Variants in CD200R1 observed in about 807,000 individuals in gnomAD.
CD200R1 encodes CD200 receptor 1, also known as cell surface glycoprotein CD200 receptor 1.
A neutral mutation model predicts 38.1 loss-of-function variants in CD200R1; 30 were observed. The observed-to-expected ratio is 0.79, with a 90% CI of 0.59 to 1.07. The LOEUF is 1.07. Ranked by LOEUF, CD200R1 falls within the 50% of genes least tolerant of loss-of-function variation. The probability of loss-of-function intolerance (pLI) is 0.00; values close to 1 mark genes in which losing one functional copy is unlikely to be tolerated. For missense variants in CD200R1, 372 were observed against 415.4 expected (o/e 0.90, Z 0.91); for synonymous variants, 128 against 152.1 (o/e 0.84, Z 1.16).
rs1940176179 is a variant in CD200R1 at position 112,921,778 on chromosome 3, ATAATT to A, written c.*1894_*1898del. The A allele has an allele frequency of 6.6e-6, 1 of 152,090 alleles. No homozygotes were observed. Among genetic ancestry groups the A allele is most frequent in the Admixed American group, 6.6e-5 (1 of 15,238 alleles). The allele number at this position is 152,090 out of a possible 1,614,324, so 9.4% of individuals were successfully genotyped here. ...TTCATACAATTATTTTCTGTACAAT[ATAATT>A]TAACTTCTATAAATTATCTTGAAGT... On this transcript the variant is annotated 3_prime_UTR_variant, in exon 8 of 8. Transcript: ENST00000308611.
At chr3:112,925,041 GC>G in intron 6 of CD200R1, 43 bp downstream of exon 6, 1 of 1,136,588 alleles carries the variant, frequency 8.8e-7, no homozygotes, top group Non-Finnish European at 1.3e-6. Context: ...CTCTTTTCTA[GC>G]CTAATAAAGC....
intron 2 of CD200R1, among the ~76,000 whole-genome samples, chr3:112,945,120 T>A (rs1369347157): frequency 6.6e-6 from 1 of 152,308 alleles, no homozygotes; most frequent in African/African-American, 2.4e-5. Flanking sequence ...ATAGGGTGAA[T>A]GAATATTACC....
At chr3:112,968,880 A>T (rs941448488) in intron 1 of CD200R1, among the ~76,000 whole-genome samples, 39 of 152,322 alleles carry the variant, frequency 2.6e-4, no homozygotes, top group African/African-American at 9.4e-4. Context: ...ACACAGCAAT[A>T]TAACAGAATC....
At chr3:112,931,789 T>G (rs1435925137) in intron 2 of CD200R1, among the ~76,000 whole-genome samples, 1 of 151,918 alleles carries the variant, frequency 6.6e-6, no homozygotes, top group Non-Finnish European at 1.5e-5. Flanking sequence ...ACAGCTAAGA[T>G]TCTACTGGAG....
intron 1 of CD200R1, among the ~76,000 whole-genome samples, chr3:112,948,909 C>T (rs1316108230): frequency 6.6e-6 from 1 of 152,128 alleles, no homozygotes. Context: ...AATTATAATG[C>T]AAAGTTTTCA....
chr3:112,941,635 TA>T (rs896459504), intron 2 of CD200R1, among the ~76,000 whole-genome samples: 9 of 151,254 alleles, frequency 6.0e-5, no homozygotes, highest in Admixed American at 2.0e-4. Context: ...ATATTGTAGT[TA>T]AAAAAATGAA....
chr3:112,955,660 C>G (rs1941081500), intron 1 of CD200R1, among the ~76,000 whole-genome samples: 1 of 152,038 alleles, frequency 6.6e-6, no homozygotes, highest in African/African-American at 2.4e-5. Context: ...AGGTGCCCAC[C>G]ACTACTGATG....
intron 2 of CD200R1, among the ~76,000 whole-genome samples, chr3:112,945,763 C>T (rs2107322121): frequency 6.6e-6 from 1 of 152,264 alleles, no homozygotes; most frequent in East Asian, 1.9e-4. Flanking sequence ...AGAGCAGTGG[C>T]TCACGCCTGT....
chr3:112,948,551 G>T (rs34004529), intron 1 of CD200R1, among the ~76,000 whole-genome samples: 6,223 of 152,250 alleles, frequency 0.041, 166 homozygotes, highest in Middle Eastern at 0.088. Flanking sequence ...TCACAATAGG[G>T]TTCATGCTCC....
In CD200R1 at chr3:112,929,013, T is replaced by C. The variant is rs781365337; in HGVS notation, c.572A>G (p.Lys191Arg). 1.8e-5 allele frequency: 29 copies of C among 1,613,852 alleles called. No homozygotes were observed. Among genetic ancestry groups the C allele is most frequent in the Non-Finnish European group, 2.2e-5 (26 of 1,180,016 alleles). Residue 191 changes from lysine to arginine, a missense_variant, in exon 5 of 8, where the codon AAG (lysine) becomes AGG (arginine). Lys to Arg is a conservative substitution (Grantham distance 26, BLOSUM62 2). Coordinates refer to ENST00000308611, the MANE Select transcript of CD200R1 (RefSeq NM_138806.4). ...FQNRNRTAVC[K>R]AVAGKPAAHI... ...CGCAGCTGGCTTCCCTGCAACTGCC[T>C]TGCATACTGCAGTTCTATTCCTGTT...
chr3:112,930,919 G>T (rs1191905610), intron 3 of CD200R1, among the ~76,000 whole-genome samples, 187 bp downstream of exon 3: 8 of 152,186 alleles, frequency 5.3e-5, no homozygotes, highest in Non-Finnish European at 1.0e-4. Flanking sequence ...AGACAAGCAA[G>T]AACATGGCTT....
In CD200R1 at chr3:112,921,572, A is replaced by G. The variant is rs779556187; in HGVS notation, c.*2105T>C. The G allele has an allele frequency of 3.9e-5, 6 of 152,056 alleles. No individual in the cohort carries two copies. Among genetic ancestry groups the G allele is most frequent in the Non-Finnish European group, 8.8e-5 (6 of 67,978 alleles). 9.4% of individuals were successfully genotyped at this position (152,056 alleles called of 1,614,324 possible). A position where few individuals can be genotyped will look rare whatever the true frequency, so the allele number is the denominator to read the frequency against. On this transcript the variant is annotated 3_prime_UTR_variant, in exon 8 of 8. Transcript: ENST00000308611. ...AAATGTTATTTGTAAAATGTAATCG[A>G]CTATGTAAGTAATCACACCTAACTC...
chr3:112,952,059 A>G (rs1221466202), intron 1 of CD200R1, among the ~76,000 whole-genome samples: 1 of 137,974 alleles, frequency 7.2e-6, no homozygotes, highest in African/African-American at 2.5e-5. Flanking sequence ...AAAAAAAAAG[A>G]GAGAAAAATT....
At chr3:112,960,464 G>C (rs763438441) in intron 1 of CD200R1, among the ~76,000 whole-genome samples, 2 of 151,996 alleles carry the variant, frequency 1.3e-5, no homozygotes, top group Non-Finnish European at 2.9e-5. Context: ...GCAGACATTT[G>C]AAATTTTAGG....
chr3:112,941,905 T>C (rs1479294917), intron 2 of CD200R1, among the ~76,000 whole-genome samples: 2 of 151,510 alleles, frequency 1.3e-5, no homozygotes, highest in East Asian at 1.9e-4. Context: ...TCAGAGACCA[T>C]GCAAGCAAGA....
intron 1 of CD200R1, among the ~76,000 whole-genome samples, chr3:112,954,595 A>G (rs1011549697): frequency 1.3e-4 from 20 of 152,146 alleles, no homozygotes; most frequent in African/African-American, 3.4e-4. Flanking sequence ...TTGATCACCA[A>G]TGGCCAATGG....
intron 1 of CD200R1, among the ~76,000 whole-genome samples, chr3:112,970,769 T>G (rs1933286308): frequency 6.6e-6 from 1 of 152,180 alleles, no homozygotes; most frequent in African/African-American, 2.4e-5. Flanking sequence ...CCCATTACCT[T>G]ATTGCCATCC....
At chr3:112,965,920 G>A (rs959822543) in intron 1 of CD200R1, among the ~76,000 whole-genome samples, 2 of 151,982 alleles carry the variant, frequency 1.3e-5, no homozygotes, top group Non-Finnish European at 2.9e-5. Context: ...TGCTTTTAAA[G>A]AGATTGATAT....
chr3:112,931,308 A>G, intron 2 of CD200R1, 137 bp from the exon 3 acceptor site: 1 of 579,158 alleles, frequency 1.7e-6, no homozygotes, highest in South Asian at 2.4e-5. Context: ...AAATCATTGT[A>G]AAACAGAAAT....
Sources: allele counts gnomAD v4.1 joint callset (sites outside exome capture counted in the v4.1 genomes callset), GRCh38; gene constraint gnomAD v4.1.1; transcripts MANE v1.5; gene names NCBI Gene and HGNC (gene_info 2026-07-23, HGNC 2026-07-21).